Variants in MRPL33 observed in about 807,000 individuals in gnomAD.
MRPL33 encodes large ribosomal subunit protein bL33m.
A neutral mutation model predicts 10.1 loss-of-function variants in MRPL33; 5 were observed. The observed-to-expected ratio is 0.49, with a 90% CI of 0.26 to 1.04. MRPL33 has a LOEUF of 1.04. MRPL33 is among the 50% of genes least tolerant of loss of function. MRPL33 has a pLI of 0.14. For synonymous variants in MRPL33, 24 were observed against 27.7 expected, an observed-to-expected ratio of 0.87 and a Z score of 0.42; for missense variants, 79 against 78.1, an observed-to-expected ratio of 1.01 and a Z score of -0.04.
chr2:27,778,155 G>C, intron 3 of MRPL33, among the ~76,000 whole-genome samples: 1 of 152,158 alleles, frequency 6.6e-6, no homozygotes, highest in East Asian at 1.9e-4. Context: ...AAAAAATGTA[G>C]ACTTCAGTCC....
At chr2:27,777,670 A>G (rs768914275) in intron 3 of MRPL33, among the ~76,000 whole-genome samples, 7 of 152,330 alleles carry the variant, frequency 4.6e-5, no homozygotes, top group South Asian at 4.1e-4. Flanking sequence ...TGTAAACTCT[A>G]CATTGCCTAG....
intron 1 of MRPL33, chr2:27,772,168 A>G: frequency 3.3e-6 from 1 of 304,946 alleles, no homozygotes; most frequent in East Asian, 5.9e-5. Context: ...CGAGAGGGGC[A>G]ATGAATTGCC....
chr2:27,775,068 TG>T (rs991294590), intron 3 of MRPL33, among the ~76,000 whole-genome samples: 8 of 152,118 alleles, frequency 5.3e-5, no homozygotes, highest in African/African-American at 1.7e-4. Context: ...ATTAGTGCAG[TG>T]GGGGTAGGAA....
Position 27,779,674 on chromosome 2 carries a change from C to T in MRPL33, c.*192C>T. The T allele has an allele frequency of 1.9e-6, 2 of 1,030,178 alleles. No individual in the cohort carries two copies. Among genetic ancestry groups the T allele is most frequent in the Non-Finnish European group, 2.7e-6 (2 of 735,582 alleles). The allele number at this position is 1,030,178 out of a possible 1,614,324, so 63.8% of individuals were successfully genotyped here. A position where few individuals can be genotyped will look rare whatever the true frequency, so the allele number is the denominator to read the frequency against. ...CTTCATATTAGGACAGATATCATTG[C>T]ATCACATTTATTTATCTTTCTGGGT... On this transcript the variant is annotated 3_prime_UTR_variant, in exon 4 of 4. Transcript: ENST00000296102.
intron 1 of MRPL33, 159 bp downstream of exon 1, chr2:27,771,958 C>A: frequency 2.6e-6 from 2 of 761,288 alleles, no homozygotes; most frequent in Non-Finnish European, 2.1e-6. Context: ...CCGGCATGCC[C>A]CGCGGCGCGC....
chr2:27,778,586 C>T (rs1365947250), intron 3 of MRPL33, among the ~76,000 whole-genome samples: 2 of 151,478 alleles, frequency 1.3e-5, no homozygotes, highest in African/African-American at 4.9e-5. Flanking sequence ...CGGAGTTTCA[C>T]TCTTGTTGCC....
intron 1 of MRPL33, 185 bp downstream of exon 1, chr2:27,771,984 T>A: frequency 3.2e-6 from 2 of 626,940 alleles, no homozygotes; most frequent in Non-Finnish European, 5.5e-6. Flanking sequence ...TGCGCGGACC[T>A]GTGGGTGCCT....
At chr2:27,775,349 A>ATT (rs1195445083) in intron 3 of MRPL33, among the ~76,000 whole-genome samples, 1 of 106,538 alleles carries the variant, frequency 9.4e-6, no homozygotes. Flanking sequence ...CTTTATAATT[A>ATT]ATTTTTTTTT....
At chr2:27,777,980 T>G (rs1360346283) in intron 3 of MRPL33, among the ~76,000 whole-genome samples, 2 of 152,228 alleles carry the variant, frequency 1.3e-5, no homozygotes, top group African/African-American at 2.4e-5. Context: ...CATTAATGCA[T>G]TGTAGTCCTC....
At chr2:27,777,021 C>G (rs191815531) in intron 3 of MRPL33, among the ~76,000 whole-genome samples, 253 of 152,320 alleles carry the variant, frequency 1.7e-3, no homozygotes, top group Non-Finnish European at 2.8e-3. Context: ...CTTTCTCACT[C>G]AAGTCCCTGT....
At chr2:27,775,806 T>C (rs939626524) in intron 3 of MRPL33, among the ~76,000 whole-genome samples, 1 of 152,246 alleles carries the variant, frequency 6.6e-6, no homozygotes, top group Non-Finnish European at 1.5e-5. Context: ...TTTCTGTTTA[T>C]TCATTATCAG....
rs146922844 is a variant in MRPL33, at chr2:27,774,329, T to C, written c.42-95T>C. On this transcript the variant is annotated intron_variant, in intron 2 of 3. Coordinates refer to ENST00000296102, the MANE Select transcript of MRPL33 (RefSeq NM_004891.4). ...GCCAAGTGATATCTCACAACTAATA[T>C]TACCCTACAGAGTTCTCAAAATGTG... 6.6e-3 allele frequency: 6,399 copies of C among 964,002 alleles called. 32 individuals are homozygous for C. Among genetic ancestry groups the C allele is most frequent in the Non-Finnish European group, 7.1e-3 (4,280 of 601,270 alleles). 59.7% of individuals were successfully genotyped at this position (964,002 alleles called of 1,614,324 possible).
At chr2:27,779,133 A>G (rs1368517011) in intron 3 of MRPL33, among the ~76,000 whole-genome samples, 1 of 152,074 alleles carries the variant, frequency 6.6e-6, no homozygotes, top group African/African-American at 2.4e-5. Flanking sequence ...GGGTGAAAAC[A>G]TTGTTTTCCA....
At chr2:27,774,361 C>T (rs1463398908) in intron 2 of MRPL33, 63 bp from the exon 3 acceptor site, 9 of 1,325,384 alleles carry the variant, frequency 6.8e-6, no homozygotes, top group East Asian at 2.3e-5. Context: ...TGTGCCATCC[C>T]CCTGTGACTG....
intron 1 of MRPL33, chr2:27,772,061 C>A (rs1038708684): frequency 1.1e-5 from 5 of 455,024 alleles, no homozygotes; most frequent in Non-Finnish European, 1.9e-5. Flanking sequence ...GGCTGTGGGG[C>A]GTTTTTCTCC....
In MRPL33 at chr2:27,771,793, G is replaced by C. The variant is rs376233312; in HGVS notation, c.16G>C (p.Val6Leu). 12 of 1,613,966 alleles carry C rather than the reference G, an allele frequency of 7.4e-6. No homozygotes were observed. The highest frequency in any genetic ancestry group is 1.0e-5 in the Non-Finnish European group (12 of 1,179,836). The stretch of plus-strand genomic sequence containing the variant: ...TGTGGTCACCATGTTCCTCTCCGCG[G>C]TCTTCTGTAAGTGGGGCTGGAGACG... Reference protein sequence around the residue: MFLSAVFFAKSKSKNI... With the variant: MFLSALFFAKSKSKNI... The change falls in exon 1 of 4, where the codon GTC (valine) becomes CTC (leucine). Residue 6 changes from valine to leucine, a missense_variant. Val to Leu is a conservative substitution (Grantham distance 32). Transcript: ENST00000296102.
At chr2:27,771,895 C>T (rs1164236508) in intron 1 of MRPL33, 96 bp downstream of exon 1, 28 of 1,298,050 alleles carry the variant, frequency 2.2e-5, no homozygotes, top group Non-Finnish European at 3.0e-5. Flanking sequence ...GATGTGCGAA[C>T]AGGACGGGAA....
intron 3 of MRPL33, among the ~76,000 whole-genome samples, chr2:27,776,566 C>T (rs1455942216): frequency 1.3e-5 from 2 of 152,208 alleles, no homozygotes; most frequent in African/African-American, 2.4e-5. Context: ...TCCTTTTCCA[C>T]GTATAAAACT....
chr2:27,771,940 C>T (rs1677056889), intron 1 of MRPL33, 141 bp downstream of exon 1: 5 of 889,098 alleles, frequency 5.6e-6, no homozygotes, highest in Non-Finnish European at 8.5e-6. Context: ...CCTTCAGGAC[C>T]ACAGCGTCCG....
Sources: gnomAD v4.1 joint callset for allele counts (sites outside exome capture counted in the v4.1 genomes callset) on GRCh38, gnomAD v4.1.1 for gene constraint, MANE v1.5 for transcripts, NCBI Gene and HGNC (gene_info 2026-07-23, HGNC 2026-07-21) for gene names.